Variants in PDE1A observed in about 807,000 individuals in gnomAD.
The protein encoded by PDE1A is phosphodiesterase 1A.
In PDE1A, 35 loss-of-function variants were observed where a neutral mutation model predicts 61.7. The ratio of observed to expected loss-of-function variants is 0.57; its 90% CI spans 0.43 to 0.75. The LOEUF (loss-of-function observed/expected upper bound fraction) is 0.75. Among genes scored for constraint, PDE1A ranks in the 30% least tolerant of loss-of-function variants. The pLI is 0.00. For missense variants in PDE1A, 597 were observed against 630.6 expected (o/e 0.95, Z 0.57); for synonymous variants, 232 against 213.2 (o/e 1.09, Z -0.77).
At chr2:182,369,261 C>T (rs533983595) in intron 1 of PDE1A, among the ~76,000 whole-genome samples, 22 of 152,212 alleles carry the variant, frequency 1.4e-4, no homozygotes, top group African/African-American at 4.6e-4. Context: ...TTTCACAAGC[C>T]CATGCAGTGT....
downstream of PDE1A, chr2:182,143,038 C>T (rs1690301235): frequency 6.6e-6 from 1 of 152,024 alleles, no homozygotes; most frequent in Admixed American, 6.6e-5. Flanking sequence ...ATTTCATTGT[C>T]CTGAAATAAA....
chr2:182,315,915 A>G (rs994483139), intron 1 of PDE1A, among the ~76,000 whole-genome samples: 13 of 152,206 alleles, frequency 8.5e-5, no homozygotes, highest in Non-Finnish European at 1.5e-5. Flanking sequence ...ACACATCACC[A>G]TTTCCACTGG....
rs73977334 is a variant in PDE1A, at chr2:182,308,433, G to A, written c.54-44019C>T. On this transcript the variant is annotated intron_variant, in intron 1 of 13. Coordinates refer to ENST00000351439, the Ensembl canonical transcript of PDE1A. ...TTGCTGTAAATCTCTTTTAAAGTCC[G>A]AAATGTAATTTAAAGTCATTGAGAA... Among the ~76,000 whole-genome samples the A allele has an allele frequency of 6.3e-3, 963 of 152,150 alleles. 8 individuals carry two copies. The highest frequency in any genetic ancestry group is 0.021 in the African/African-American group (885 of 41,512).
upstream of PDE1A, chr2:182,523,081 T>A (rs775928721): frequency 6.6e-6 from 1 of 152,202 alleles, no homozygotes; most frequent in Non-Finnish European, 1.5e-5. Context: ...CATCAACTGA[T>A]GCTGTAAGCA....
intron 2 of PDE1A, among the ~76,000 whole-genome samples, chr2:182,519,811 A>G (rs2125986893): frequency 6.6e-6 from 1 of 152,012 alleles, no homozygotes; most frequent in East Asian, 1.9e-4. Context: ...TTGAATAAAC[A>G]TTATTTTACT....
At chr2:182,671,622 T>C in the PDE1A span, among the ~76,000 whole-genome samples, 2 of 22,802 alleles carry the variant, frequency 8.8e-5, no homozygotes, top group African/African-American at 2.6e-4. Flanking sequence ...TTTCTTTTTC[T>C]TTTTTTTTTT....
chr2:182,146,699 T>C (rs1019711500), downstream of PDE1A, among the ~76,000 whole-genome samples: 15 of 152,290 alleles, frequency 9.8e-5, no homozygotes, highest in East Asian at 2.9e-3. Context: ...TTGGCCGGGC[T>C]GGTCTCAAAC....
the PDE1A span, among the ~76,000 whole-genome samples, chr2:182,690,019 G>T: frequency 6.6e-6 from 1 of 152,158 alleles, no homozygotes; most frequent in Admixed American, 6.5e-5. Flanking sequence ...AACAGGCTCT[G>T]AAATTGAGGC....
At chr2:182,385,441 A>T (rs561270317) in intron 1 of PDE1A, among the ~76,000 whole-genome samples, 1 of 152,178 alleles carries the variant, frequency 6.6e-6, no homozygotes, top group Non-Finnish European at 1.5e-5. Flanking sequence ...GAATAAATGT[A>T]TATTTTGTGG....
the PDE1A span, among the ~76,000 whole-genome samples, chr2:182,533,439 A>G: frequency 1.3e-5 from 2 of 152,218 alleles, no homozygotes; most frequent in South Asian, 2.1e-4. Context: ...AATCTTCTGA[A>G]TCTTAGTAAA....
intron 7 of PDE1A, among the ~76,000 whole-genome samples, chr2:182,207,855 C>A (rs1687245813): frequency 6.6e-6 from 1 of 152,230 alleles, no homozygotes; most frequent in Non-Finnish European, 1.5e-5. Context: ...CCCAGCTGCT[C>A]TAGCTCCAGT....
chr2:182,613,197 T>A, the PDE1A span, among the ~76,000 whole-genome samples: 1 of 152,240 alleles, frequency 6.6e-6, no homozygotes, highest in African/African-American at 2.4e-5. Flanking sequence ...CATGAGTTTT[T>A]AAAATTATAT....
At chr2:182,207,384 C>A (rs762776471) in intron 7 of PDE1A, among the ~76,000 whole-genome samples, 4 of 152,138 alleles carry the variant, frequency 2.6e-5, no homozygotes, top group Non-Finnish European at 4.4e-5. Flanking sequence ...GGCATTGTGC[C>A]CCTGCTCTAG....
the PDE1A span, among the ~76,000 whole-genome samples, chr2:182,576,501 A>G: frequency 6.6e-6 from 1 of 152,144 alleles, no homozygotes; most frequent in Non-Finnish European, 1.5e-5. Context: ...TTTTCTGGCT[A>G]TTGTGAATAT....
intron 1 of PDE1A, among the ~76,000 whole-genome samples, chr2:182,332,167 A>G (rs903274617): frequency 1.3e-5 from 2 of 152,072 alleles, no homozygotes; most frequent in Non-Finnish European, 2.9e-5. Context: ...TGTATGGTTC[A>G]CAAAGTTCTC....
chr2:182,425,556 A>T (rs566590044), intron 1 of PDE1A, among the ~76,000 whole-genome samples: 1 of 152,322 alleles, frequency 6.6e-6, no homozygotes, highest in South Asian at 2.1e-4. Context: ...TTACAAAGGT[A>T]TAATGTTGCT....
chr2:182,224,007 T>C, intron 6 of PDE1A, 43 bp from the exon 7 acceptor site: 1 of 1,325,376 alleles, frequency 7.5e-7, no homozygotes, highest in Non-Finnish European at 1.1e-6. Flanking sequence ...AAGAAGTAGA[T>C]AACATCTTTC....
chr2:182,333,277 A>G (rs1697549145), intron 1 of PDE1A, among the ~76,000 whole-genome samples: 1 of 152,168 alleles, frequency 6.6e-6, no homozygotes, highest in African/African-American at 2.4e-5. Flanking sequence ...CAGAATATAC[A>G]TTCTTCTCAG....
chr2:182,223,798 A>G (rs1688923171), intron 7 of PDE1A, 66 bp downstream of exon 7: 1 of 871,652 alleles, frequency 1.1e-6, no homozygotes, highest in African/African-American at 1.8e-5. Context: ...AAATCCTCTT[A>G]AGTGATATGC....
Sources: allele counts gnomAD v4.1 joint callset (sites outside exome capture counted in the v4.1 genomes callset), GRCh38; gene constraint gnomAD v4.1.1; transcripts MANE v1.5; gene names NCBI Gene and HGNC (gene_info 2026-07-23, HGNC 2026-07-21).